The following PON2 variants were observed in gnomAD, a reference collection of about 807,000 sequenced individuals.
The protein encoded by PON2 is serum paraoxonase/arylesterase 2.
PON2 carries 27 observed loss-of-function variants against 36.6 expected under a neutral mutation model. That is an observed-to-expected ratio of 0.74 (90% CI 0.54 to 1.02). PON2 has a LOEUF of 1.02. Among genes scored for constraint, PON2 ranks in the 50% least tolerant of loss-of-function variants. The pLI is 0.00. For synonymous variants in PON2, 149 were observed against 156.3 expected, an observed-to-expected ratio of 0.95 and a Z score of 0.35; for missense variants, 363 against 421.1, an observed-to-expected ratio of 0.86 and a Z score of 1.21.
intron 1 of PON2, among the ~76,000 whole-genome samples, chr7:95,426,969 G>A (rs573651327): frequency 1.3e-5 from 2 of 152,122 alleles, no homozygotes; most frequent in Non-Finnish European, 2.9e-5. Context: ...TTAATATGGG[G>A]TTCCTGTTTC....
At chr7:95,428,402 TGG>T (rs17876073) in intron 1 of PON2, among the ~76,000 whole-genome samples, 8,807 of 152,052 alleles carry the variant, frequency 0.058, 540 homozygotes, top group African/African-American at 0.15. Context: ...TGAACTTGGA[TGG>T]GGGAAAAATA....
chr7:95,409,369 CT>C (rs1809802269), intron 6 of PON2: 1 of 151,324 alleles, frequency 6.6e-6, no homozygotes, highest in Non-Finnish European at 1.5e-5. Flanking sequence ...AAAAAAAATA[CT>C]TGTTTAAAAT....
chr7:95,412,279 G>T, intron 4 of PON2, 33 bp downstream of exon 4: 1 of 1,610,398 alleles, frequency 6.2e-7, no homozygotes, highest in Non-Finnish European at 8.5e-7. Context: ...ACCATCACAC[G>T]TTACTAAATG....
intron 6 of PON2, among the ~76,000 whole-genome samples, chr7:95,408,606 T>C (rs983843454): frequency 2.0e-5 from 3 of 152,206 alleles, no homozygotes; most frequent in African/African-American, 7.2e-5. Context: ...TTAAATTAAA[T>C]GATTCTACAT....
chr7:95,407,627 T>C (rs1006372915), intron 6 of PON2, among the ~76,000 whole-genome samples: 1 of 152,206 alleles, frequency 6.6e-6, no homozygotes, highest in Non-Finnish European at 1.5e-5. Flanking sequence ...TGACTTTCCA[T>C]GGCACCTGCT....
chr7:95,426,210 G>A (rs922581503), intron 1 of PON2, among the ~76,000 whole-genome samples: 15 of 151,996 alleles, frequency 9.9e-5, no homozygotes, highest in Non-Finnish European at 1.8e-4. Flanking sequence ...ATATACCCAT[G>A]TAAAACCTGC....
intron 4 of PON2, 52 bp from the exon 5 acceptor site, chr7:95,411,831 C>A (rs1211729394): frequency 6.3e-7 from 1 of 1,594,164 alleles, no homozygotes; most frequent in African/African-American, 1.3e-5. Context: ...TACGGGACCT[C>A]TGGGCAGGCA....
rs1284023335 is a variant in PON2 at position 95,405,370 on chromosome 7, A to G, written c.1025T>C (p.Ile342Thr). The G allele has an allele frequency of 6.2e-7, 1 of 1,614,010 alleles. No individual in the cohort carries two copies. The highest frequency in any genetic ancestry group is 8.5e-7 in the Non-Finnish European group (1 of 1,179,890). The change falls in exon 9 of 9, where the codon ATA becomes ACA. Residue 342 changes from isoleucine to threonine, a missense_variant. Physicochemically the swap from Ile to Thr is moderately conservative, Grantham distance 89 (BLOSUM62 -1). Transcript: ENST00000222572. ...CAAGGCTCTGTGGTATAAAGTGCCT[A>G]TGAGCAGCTTCCCATCATACACTGA... ...VASVYDGKLL[I>T]GTLYHRALYC... is the part of the protein sequence containing the mutation.
intron 2 of PON2, among the ~76,000 whole-genome samples, chr7:95,420,997 A>G (rs1222379715): frequency 6.6e-6 from 1 of 152,204 alleles, no homozygotes; most frequent in Non-Finnish European, 1.5e-5. Context: ...AAGAAAAAAA[A>G]AAGGACAATT....
intron 1 of PON2, among the ~76,000 whole-genome samples, 175 bp from the exon 2 acceptor site, chr7:95,424,760 A>G (rs994132707): frequency 3.3e-5 from 5 of 152,238 alleles, no homozygotes; most frequent in African/African-American, 1.2e-4. Flanking sequence ...TGCACCAGAA[A>G]TGAAGTTAAA....
At chr7:95,433,355 C>T (rs766020107) in intron 1 of PON2, among the ~76,000 whole-genome samples, 1 of 152,244 alleles carries the variant, frequency 6.6e-6, no homozygotes, top group East Asian at 1.9e-4. Context: ...TGGCTTAGGC[C>T]TCCAACAGTG....
At chr7:95,421,062 G>A (rs17876107) in intron 2 of PON2, among the ~76,000 whole-genome samples, 1,639 of 152,090 alleles carry the variant, frequency 0.011, 27 homozygotes, top group African/African-American at 0.036. Context: ...CATCCTCTCC[G>A]CTCTGTTGCC....
At chr7:95,431,582 G>T (rs894670813) in intron 1 of PON2, among the ~76,000 whole-genome samples, 2 of 151,898 alleles carry the variant, frequency 1.3e-5, no homozygotes, top group African/African-American at 4.8e-5. Context: ...ACCACACCTG[G>T]CTAATTTTTG....
intron 2 of PON2, among the ~76,000 whole-genome samples, chr7:95,423,140 A>G (rs1050322638): frequency 6.6e-6 from 1 of 151,902 alleles, no homozygotes; most frequent in Non-Finnish European, 1.5e-5. Flanking sequence ...CCTGGACAAC[A>G]TAACAAGACC....
chr7:95,412,676 AAAG>A (rs1215059561), intron 3 of PON2, 199 bp from the exon 4 acceptor site: 9 of 601,398 alleles, frequency 1.5e-5, no homozygotes, highest in African/African-American at 1.5e-4. Flanking sequence ...AAATAACTGA[AAAG>A]AAGATCAGGG....
chr7:95,425,820 A>T (rs6970627), intron 1 of PON2, among the ~76,000 whole-genome samples: 52,553 of 152,088 alleles, frequency 0.35, 9,883 homozygotes, highest in Middle Eastern at 0.46. Context: ...ATAATGTTAA[A>T]TTTTTTGAAA....
In PON2 at chr7:95,406,989, T is replaced by G. The variant is rs1207657577; in HGVS notation, c.775A>C (p.Lys259Gln). 6.6e-7 allele frequency: 1 copy of G among 1,519,686 alleles called. No homozygotes were observed. Among genetic ancestry groups the G allele is most frequent in the Non-Finnish European group, 9.1e-7 (1 of 1,096,900 alleles). The allele number at this position is 1,519,686 out of a possible 1,614,324, so 94.1% of individuals were successfully genotyped here. A position where few individuals can be genotyped will look rare whatever the true frequency, so the allele number is the denominator to read the frequency against. The stretch of plus-strand genomic sequence containing the variant: ...ATATGTAAAAATAAATATTTTACCT[T>G]CAACTGAGTTAAATTCATATTAGTG... ...KHTNMNLTQLKVLELDTLVDN... is the reference protein window; with the variant it reads ...KHTNMNLTQLQVLELDTLVDN... Residue 259 changes from lysine to glutamine, a missense_variant and splice_region_variant, in exon 7 of 9, where the codon AAG (lysine) becomes CAG (glutamine). Physicochemically the swap from Lys to Gln is moderately conservative, Grantham distance 53. Coordinates refer to ENST00000222572, the MANE Select transcript of PON2 (RefSeq NM_000305.3).
Position 95,412,445 on chromosome 7 carries a change from T to C in PON2, c.234A>G (p.Ala78=), listed in dbSNP as rs1307286921. Residue 78 remains alanine, a synonymous_variant, in exon 4 of 9, where the codon GCA becomes GCG. Transcript: ENST00000222572. ...GLKFPGLHSF[A]PDKPGGILMM... ...TTAGTATTCCTCCAGGCTTATCTGG[T>C]GCAAAGCTGTGGAGTCCTGGGAATT... The C allele has an allele frequency of 6.2e-7, 1 of 1,614,136 alleles. No homozygotes were observed. The highest frequency in any genetic ancestry group is 1.7e-5 in the Admixed American group (1 of 60,020).
intron 3 of PON2, among the ~76,000 whole-genome samples, chr7:95,414,815 T>C (rs1789022862): frequency 2.0e-5 from 3 of 152,254 alleles, no homozygotes; most frequent in Non-Finnish European, 4.4e-5. Context: ...TTATTCATTC[T>C]GTGTAGGCAA....
Sources: gnomAD v4.1 joint callset for allele counts (sites outside exome capture counted in the v4.1 genomes callset) on GRCh38, gnomAD v4.1.1 for gene constraint, MANE v1.5 for transcripts, NCBI Gene and HGNC (gene_info 2026-07-23, HGNC 2026-07-21) for gene names.